The following AFTPH variants were observed in gnomAD, a reference collection of about 807,000 sequenced individuals.
The protein encoded by AFTPH is aftiphilin, also known as aftiphilin protein.
Under a neutral mutation model 72.5 loss-of-function variants are expected in AFTPH, and 7 were observed. The ratio of observed to expected loss-of-function variants is 0.10; its 90% CI spans 0.05 to 0.18. The LOEUF is 0.18. Among genes scored for constraint, AFTPH ranks in the 10% least tolerant of loss-of-function variants. AFTPH has a pLI of 1.00. For synonymous variants in AFTPH, 337 were observed against 370.1 expected (o/e 0.91, Z 1.03); for missense variants, 979 against 1,060.5 (o/e 0.92, Z 1.07).
intron 7 of AFTPH, among the ~76,000 whole-genome samples, chr2:64,583,274 G>A (rs1673317070): frequency 6.7e-6 from 1 of 148,232 alleles, no homozygotes; most frequent in African/African-American, 2.5e-5. Flanking sequence ...TGGTTGGCTA[G>A]CTTTAGTTAT....
chr2:64,524,809 C>A (rs1253388624), intron 1 of AFTPH, among the ~76,000 whole-genome samples, 197 bp downstream of exon 1: 2 of 152,216 alleles, frequency 1.3e-5, no homozygotes, highest in African/African-American at 4.8e-5. Flanking sequence ...GCGGGAACGC[C>A]GCTGGTGGCG....
At chr2:64,531,525 T>TA (rs1287444539) in intron 1 of AFTPH, among the ~76,000 whole-genome samples, 3 of 152,208 alleles carry the variant, frequency 2.0e-5, no homozygotes, top group Non-Finnish European at 4.4e-5. Flanking sequence ...TCTTGCTTAA[T>TA]GCCATGCTCT....
chr2:64,586,559 C>CCAGAT (rs1260362518), intron 8 of AFTPH, among the ~76,000 whole-genome samples: 1 of 152,084 alleles, frequency 6.6e-6, no homozygotes, highest in African/African-American at 2.4e-5. Flanking sequence ...TTTTATTCCC[C>CCAGAT]CAGATTTTTC....
At chr2:64,589,358 TG>T (rs1673689476) in intron 8 of AFTPH, among the ~76,000 whole-genome samples, 1 of 152,222 alleles carries the variant, frequency 6.6e-6, no homozygotes, top group Non-Finnish European at 1.5e-5. Flanking sequence ...CAATTGATCA[TG>T]TTTTTTTCCT....
chr2:64,589,924 T>A (rs1455383522), intron 8 of AFTPH, among the ~76,000 whole-genome samples: 3 of 127,164 alleles, frequency 2.4e-5, no homozygotes, highest in African/African-American at 6.0e-5. Flanking sequence ...TTCAGATCTT[T>A]TCCTATGCAA....
chr2:64,540,205 A>G (rs919356735), intron 1 of AFTPH, among the ~76,000 whole-genome samples: 1 of 152,192 alleles, frequency 6.6e-6, no homozygotes, highest in African/African-American at 2.4e-5. Flanking sequence ...TGACTAATTT[A>G]TTCTGCATCT....
chr2:64,534,595 C>T (rs977626573), intron 1 of AFTPH, among the ~76,000 whole-genome samples: 44 of 152,168 alleles, frequency 2.9e-4, no homozygotes, highest in Non-Finnish European at 2.5e-4. Flanking sequence ...AAGTGTTACA[C>T]GTAACTAAAA....
At chr2:64,571,738 T>C (rs1052510954) in intron 5 of AFTPH, among the ~76,000 whole-genome samples, 1 of 152,242 alleles carries the variant, frequency 6.6e-6, no homozygotes, top group African/African-American at 2.4e-5. Context: ...TGATTTTGTC[T>C]AGGATGTAAC....
intron 7 of AFTPH, 102 bp from the exon 8 acceptor site, chr2:64,581,088 T>C (rs766922745): frequency 2.6e-4 from 178 of 674,414 alleles, no homozygotes; most frequent in Non-Finnish European, 3.9e-4. Context: ...AATTATAACC[T>C]GCATGTTCAA....
At chr2:64,548,016 C>G (rs1026125206) in intron 1 of AFTPH, among the ~76,000 whole-genome samples, 1 of 151,650 alleles carries the variant, frequency 6.6e-6, no homozygotes, top group Non-Finnish European at 1.5e-5. Flanking sequence ...TGATCGAACT[C>G]CTGGGCTCAA....
chr2:64,532,090 A>T (rs922610378), intron 1 of AFTPH, among the ~76,000 whole-genome samples: 1 of 152,190 alleles, frequency 6.6e-6, no homozygotes, highest in Non-Finnish European at 1.5e-5. Flanking sequence ...AAATATGTGT[A>T]GGAGGACTTG....
chr2:64,588,448 G>A (rs1015588563), intron 8 of AFTPH, among the ~76,000 whole-genome samples: 3 of 152,184 alleles, frequency 2.0e-5, no homozygotes, highest in Admixed American at 6.5e-5. Context: ...AACTCTGTTA[G>A]GAGTGGAATT....
chr2:64,524,569 G>A, exon 1 of AFTPH: 1 of 398,962 alleles, frequency 2.5e-6, no homozygotes. Flanking sequence ...GTTCCTCCCC[G>A]GGCCCCTGAG....
chr2:64,541,467 G>A (rs918351870), intron 1 of AFTPH, among the ~76,000 whole-genome samples: 2 of 152,078 alleles, frequency 1.3e-5, no homozygotes, highest in Non-Finnish European at 2.9e-5. Context: ...TATTTCTGTA[G>A]ATTTTAAAAT....
At chr2:64,583,118 A>C (rs1434651404) in intron 7 of AFTPH, among the ~76,000 whole-genome samples, 1 of 152,170 alleles carries the variant, frequency 6.6e-6, no homozygotes, top group Non-Finnish European at 1.5e-5. Flanking sequence ...GTTACCATCA[A>C]GCTACAGGTA....
At chr2:64,577,896 A>G (rs1221767333) in intron 6 of AFTPH, among the ~76,000 whole-genome samples, 1 of 152,216 alleles carries the variant, frequency 6.6e-6, no homozygotes, top group African/African-American at 2.4e-5. Flanking sequence ...CATTGGTACA[A>G]TATGTGTATA....
At chr2:64,577,772 T>C (rs1573031276) in intron 6 of AFTPH, among the ~76,000 whole-genome samples, 1 of 152,230 alleles carries the variant, frequency 6.6e-6, no homozygotes, top group South Asian at 2.1e-4. Flanking sequence ...GAAATAATTA[T>C]AGATTCATAG....
chr2:64,533,638 GA>G (rs1420138227), intron 1 of AFTPH, among the ~76,000 whole-genome samples: 1 of 151,936 alleles, frequency 6.6e-6, no homozygotes, highest in Non-Finnish European at 1.5e-5. Flanking sequence ...ACTTGGAAAG[GA>G]AAAGGTAAGT....
intron 1 of AFTPH, among the ~76,000 whole-genome samples, chr2:64,534,962 A>G (rs918851573): frequency 6.6e-6 from 1 of 151,870 alleles, no homozygotes; most frequent in African/African-American, 2.4e-5. Context: ...TTTTAAGTAA[A>G]TTTTTCAAGT....
Sources: allele counts gnomAD v4.1 joint callset (sites outside exome capture counted in the v4.1 genomes callset), GRCh38; gene constraint gnomAD v4.1.1; transcripts MANE v1.5; gene names NCBI Gene and HGNC (gene_info 2026-07-23, HGNC 2026-07-21).